Variants in MDGA2 observed in about 807,000 individuals in gnomAD.
MDGA2 encodes the protein MAM domain-containing glycosylphosphatidylinositol anchor protein 2.
In MDGA2, 40 loss-of-function variants were observed where a neutral mutation model predicts 117.8. The ratio of observed to expected loss-of-function variants is 0.34; its 90% confidence interval spans 0.26 to 0.44. The LOEUF (loss-of-function observed/expected upper bound fraction) is 0.44, where lower values mean the gene tolerates loss of function less well. Ranked by LOEUF, MDGA2 falls within the 20% of genes least tolerant of loss-of-function variation. The pLI is 1.00. For synonymous variants in MDGA2, 452 were observed against 439.0 expected, an observed-to-expected ratio of 1.03 and a Z score of -0.37; for missense variants, 1,123 against 1,250.6, an observed-to-expected ratio of 0.90 and a Z score of 1.54.
intron 2 of MDGA2, among the ~76,000 whole-genome samples, chr14:47,294,148 G>A (rs552822128): frequency 7.5e-5 from 9 of 120,278 alleles, no homozygotes; most frequent in African/African-American, 2.3e-4. Flanking sequence ...TTGCTCTTTC[G>A]CCCAGGCAAG....
intron 5 of MDGA2, among the ~76,000 whole-genome samples, chr14:47,111,509 T>C (rs992276149): frequency 2.0e-5 from 3 of 152,078 alleles, no homozygotes; most frequent in Admixed American, 6.6e-5. Context: ...CCATCCAAAA[T>C]AGAAGTTGAA....
chr14:47,138,415 G>A (rs1490162597), intron 4 of MDGA2, among the ~76,000 whole-genome samples: 2 of 151,956 alleles, frequency 1.3e-5, no homozygotes, highest in Non-Finnish European at 2.9e-5. Context: ...CAATACACAA[G>A]ATGATGTCAT....
At chr14:47,200,799 T>G in intron 3 of MDGA2, 1 of 805,362 alleles carries the variant, frequency 1.2e-6, no homozygotes, top group South Asian at 1.4e-5. Context: ...CTTGCAGGCT[T>G]CAAACGCACG....
chr14:46,960,517 A>C (rs1034530280), intron 8 of MDGA2: 2 of 152,118 alleles, frequency 1.3e-5, no homozygotes, highest in Admixed American at 1.3e-4. Flanking sequence ...CACACGAAAT[A>C]GTGCTATGTT....
At chr14:47,653,153 C>A (rs1013431537) in intron 1 of MDGA2, among the ~76,000 whole-genome samples, 1 of 152,120 alleles carries the variant, frequency 6.6e-6, no homozygotes, top group African/African-American at 2.4e-5. Context: ...GAAATTGCCA[C>A]AGTTAAGGTC....
intron 1 of MDGA2, among the ~76,000 whole-genome samples, chr14:47,375,886 A>G (rs563434021): frequency 1.3e-5 from 2 of 152,142 alleles, no homozygotes; most frequent in South Asian, 4.1e-4. Context: ...CTCCCAAAAG[A>G]ACCTGGCCCA....
chr14:46,846,926 A>G (rs1432568543), intron 15 of MDGA2, among the ~76,000 whole-genome samples: 1 of 152,074 alleles, frequency 6.6e-6, no homozygotes, highest in Non-Finnish European at 1.5e-5. Flanking sequence ...AAATCTGACA[A>G]TGTTTATTTT....
chr14:46,872,473 C>T (rs371909787), intron 14 of MDGA2, among the ~76,000 whole-genome samples: 1 of 151,920 alleles, frequency 6.6e-6, no homozygotes, highest in South Asian at 2.1e-4. Context: ...TCCACAATCC[C>T]TGGTTCAAGC....
intron 1 of MDGA2, among the ~76,000 whole-genome samples, chr14:47,671,115 T>G (rs1898066441): frequency 6.6e-6 from 1 of 152,136 alleles, no homozygotes; most frequent in East Asian, 1.9e-4. Context: ...CTTAAAAAAT[T>G]TATAGGACAG....
intron 5 of MDGA2, among the ~76,000 whole-genome samples, chr14:47,128,507 T>A (rs1192553208): frequency 6.6e-6 from 1 of 152,088 alleles, no homozygotes; most frequent in Non-Finnish European, 1.5e-5. Flanking sequence ...CAAAATTAGT[T>A]ATAAGGCACA....
rs1171662535 is a variant in MDGA2, at chr14:46,882,307, T to TTAAATCAAAATTTAA, written c.2239-87_2239-86insTTAAATTTTGATTTA. ...ATTGAAAACAAATTTTGAAATTTTA[T>TTAAATCAAAATTTAA]TAAATCAAAAAGTACGTATATTAAT... On this transcript the variant is annotated intron_variant, in intron 10 of 16. Transcript: ENST00000399232. 10 of 1,218,012 alleles carry TTAAATCAAAATTTAA rather than the reference T, an allele frequency of 8.2e-6. No homozygotes were observed. The African/African-American group carries it at 1.6e-4, about 19-fold the overall frequency. 75.5% of individuals were successfully genotyped at this position (1,218,012 alleles called of 1,614,324 possible).
intron 2 of MDGA2, among the ~76,000 whole-genome samples, chr14:47,276,048 G>A (rs528980869): frequency 2.6e-5 from 4 of 152,238 alleles, no homozygotes; most frequent in Admixed American, 1.3e-4. Context: ...TGAAGCCAGT[G>A]ATAAACACCT....
intron 15 of MDGA2, among the ~76,000 whole-genome samples, chr14:46,852,651 G>T (rs1016896539): frequency 5.3e-5 from 8 of 151,836 alleles, no homozygotes; most frequent in African/African-American, 1.9e-4. Context: ...GCATTCACAG[G>T]ACTGGGAATG....
chr14:47,105,109 G>A (rs1373093772), intron 5 of MDGA2, among the ~76,000 whole-genome samples: 3 of 21,340 alleles, frequency 1.4e-4, no homozygotes, highest in East Asian at 0.14. Flanking sequence ...ACGCAGGGAC[G>A]CCGCCTTGGT....
intron 1 of MDGA2, among the ~76,000 whole-genome samples, chr14:47,624,782 T>C (rs964210529): frequency 1.3e-5 from 2 of 152,156 alleles, no homozygotes; most frequent in African/African-American, 4.8e-5. Context: ...ATCTTCTTCA[T>C]AACAAGAAAT....
intron 1 of MDGA2, among the ~76,000 whole-genome samples, chr14:47,640,089 CTT>C (rs760283119): frequency 1.1e-4 from 16 of 152,280 alleles, no homozygotes; most frequent in Admixed American, 3.9e-4. Context: ...GCTATGCTCT[CTT>C]GACTGGGAGC....
At chr14:47,583,626 T>C (rs1896269177) in intron 1 of MDGA2, among the ~76,000 whole-genome samples, 2 of 151,834 alleles carry the variant, frequency 1.3e-5, no homozygotes, top group Admixed American at 6.6e-5. Flanking sequence ...AATTTTACAT[T>C]ATGTCTGTTT....
chr14:47,111,721 A>G (rs1329729786), intron 5 of MDGA2, among the ~76,000 whole-genome samples: 1 of 152,188 alleles, frequency 6.6e-6, no homozygotes, highest in Non-Finnish European at 1.5e-5. Context: ...AGGCAGGAAA[A>G]TGGAGAGCAA....
chr14:47,301,492 G>A lies in MDGA2; in HGVS notation c.339C>T (p.Arg113=). The change falls in exon 2 of 17, where the codon CGC becomes CGT. Residue 113 remains arginine (R), a synonymous_variant. Coordinates refer to ENST00000399232, the MANE Select transcript of MDGA2 (RefSeq NM_001113498.3). ...GGATAGTGTAGACCCTTTCGGAGTA[G>A]CGCTCCTCTTCAATGTTACAGGCCA... ...SGLACNIEEE[R]YSERVYTIRE... is the part of the protein sequence containing the mutation. 6.4e-7 allele frequency: 1 copy of A among 1,551,676 alleles called. No individual in the cohort carries two copies. The highest frequency in any genetic ancestry group is 8.7e-7 in the Non-Finnish European group (1 of 1,146,974).
Sources: allele counts gnomAD v4.1 joint callset (sites outside exome capture counted in the v4.1 genomes callset), GRCh38; gene constraint gnomAD v4.1.1; transcripts MANE v1.5; gene names NCBI Gene and HGNC (gene_info 2026-07-23, HGNC 2026-07-21).